The following AXDND1 variants were observed in gnomAD, a reference collection of about 807,000 sequenced individuals.
The protein encoded by AXDND1 is axonemal dynein light chain domain-containing protein 1.
A neutral mutation model predicts 137.5 loss-of-function variants in AXDND1; 110 were observed. The ratio of observed to expected loss-of-function variants is 0.80; its 90% CI spans 0.69 to 0.94. The LOEUF is 0.94. AXDND1 is among the 40% of genes least tolerant of loss of function. AXDND1 has a pLI of 0.00. For synonymous variants in AXDND1, 414 were observed against 399.7 expected (o/e 1.04, Z -0.43); for missense variants, 1,191 against 1,169.8 (o/e 1.02, Z -0.26).
chr1:179,537,001 T>G (rs1010743762), intron 25 of AXDND1, among the ~76,000 whole-genome samples: 4 of 152,234 alleles, frequency 2.6e-5, no homozygotes, highest in Non-Finnish European at 5.9e-5. Context: ...ATTCATGATT[T>G]GGCTGTTTGT....
chr1:179,473,532 C>T (rs1188840018), intron 17 of AXDND1, among the ~76,000 whole-genome samples: 1 of 152,118 alleles, frequency 6.6e-6, no homozygotes, highest in Non-Finnish European at 1.5e-5. Context: ...TTTATACTGG[C>T]TTAATTCTAG....
chr1:179,529,631 A>G (rs1670871079), intron 23 of AXDND1, among the ~76,000 whole-genome samples: 1 of 152,206 alleles, frequency 6.6e-6, no homozygotes, highest in African/African-American at 2.4e-5. Flanking sequence ...TGTTATGTAG[A>G]TGAAGTCTCC....
At chr1:179,476,424 AT>A (rs1664632082) in intron 17 of AXDND1, among the ~76,000 whole-genome samples, 1 of 152,206 alleles carries the variant, frequency 6.6e-6, no homozygotes. Flanking sequence ...GTCTTTTAAA[AT>A]TGCATAATTT....
Position 179,430,542 on chromosome 1 carries a change from G to A in AXDND1, c.1423G>A (p.Glu475Lys), listed in dbSNP as rs551888154. The A allele has an allele frequency of 6.2e-7, 1 of 1,613,968 alleles. No individual in the cohort carries two copies. The highest frequency in any genetic ancestry group is 1.7e-5 in the Admixed American group (1 of 59,952). Reference protein sequence around the residue: ...KLKQEVEQMEESTSETLKIVK... With the variant: ...KLKQEVEQMEKSTSETLKIVK... ...TAAACAAGAGGTAGAACAAATGGAA[G>A]AGTCTACAAGCGAGACACTGAAAAT... The change falls in exon 14 of 26, where the codon GAG becomes AAG. Residue 475 changes from glutamate to lysine, a missense_variant. Coordinates refer to ENST00000367618, the MANE Select transcript of AXDND1 (RefSeq NM_144696.6).
At chr1:179,437,057 G>C (rs4360482) in intron 15 of AXDND1, among the ~76,000 whole-genome samples, 5 of 141,886 alleles carry the variant, frequency 3.5e-5, no homozygotes, top group East Asian at 2.0e-4. Flanking sequence ...ATCTATAAAA[G>C]AGACACTCAC....
At position 179,486,139 on chromosome 1, in the gene AXDND1, A is replaced by AAAAAACT. The variant is rs149119239; in HGVS notation, c.2091+2920_2091+2921insAAACTAA. Among the ~76,000 whole-genome samples the AAAAAACT allele has an allele frequency of 4.5e-3, 397 of 87,654 alleles. 22 individuals carry two copies. The highest frequency in any genetic ancestry group is 8.6e-3 in the African/African-American group (232 of 26,908). The allele number at this position is 87,654 out of a possible 152,430, so 57.5% of individuals were successfully genotyped here. ...TGTCTCAAAAAAAAAAAAAAAAAAA[A>AAAAAACT]AACCTGATAGAAATGAAAAACACAC... On this transcript the variant is annotated intron_variant, in intron 18 of 25. Transcript: ENST00000367618.
rs768005250 is a variant in AXDND1 at position 179,393,970 on chromosome 1, A to T, written c.931A>T (p.Thr311Ser). 1.2e-6 allele frequency: 2 copies of T among 1,612,020 alleles called. No homozygotes were observed. The highest frequency in any genetic ancestry group is 4.5e-5 in the East Asian group (2 of 44,654). Reference sequence around the variant, plus strand: ...GATTGATTTCTACAAAGACTTGGTAACTCAGCGAGTGATGGACCAGCGCAT... The same window carrying T: ...GATTGATTTCTACAAAGACTTGGTATCTCAGCGAGTGATGGACCAGCGCAT... Reference protein sequence around the residue: ...QMIDFYKDLVTQRVMDQRILE... With the variant: ...QMIDFYKDLVSQRVMDQRILE... Residue 311 changes from threonine (T) to serine (S), a missense_variant, in exon 10 of 26, where the codon ACT becomes TCT. Thr to Ser is a moderately conservative substitution (Grantham distance 58). Transcript: ENST00000367618.
intron 17 of AXDND1, among the ~76,000 whole-genome samples, chr1:179,473,581 T>C (rs1302368650): frequency 2.0e-5 from 3 of 152,198 alleles, no homozygotes; most frequent in African/African-American, 7.2e-5. Flanking sequence ...TGATTCCTTT[T>C]CCCACCTTTT....
chr1:179,554,185 A>G (rs1217045925), intron 25 of AXDND1, among the ~76,000 whole-genome samples: 1 of 152,152 alleles, frequency 6.6e-6, no homozygotes, highest in East Asian at 1.9e-4. Flanking sequence ...GAGTACTGGG[A>G]TTACAGGTGT....
At chr1:179,533,977 T>C in intron 24 of AXDND1, 100 bp downstream of exon 24, 1 of 947,144 alleles carries the variant, frequency 1.1e-6, no homozygotes, top group Non-Finnish European at 1.7e-6. Flanking sequence ...GCTCTCCTGC[T>C]TTCTTTATCC....
rs745713963 is a variant in AXDND1 at position 179,445,158 on chromosome 1, A to G, written c.1752A>G (p.Ile584Met). ...RQYMEEIIKN[I>M]QKLYKEYEIR... is the part of the protein sequence containing the mutation. ...ACATGGAGGAAATTATCAAAAACAT[A>G]CAAAAACTCTACAAAGAATATGAAA... The change falls in exon 16 of 26, where the codon ATA becomes ATG. Residue 584 changes from isoleucine (I) to methionine (M), a missense_variant. Transcript: ENST00000367618. 1.9e-6 allele frequency: 3 copies of G among 1,610,316 alleles called. No homozygotes were observed. The highest frequency in any genetic ancestry group is 2.2e-5 in the East Asian group (1 of 44,784).
chr1:179,496,226 A>G (rs1373809471), intron 20 of AXDND1, among the ~76,000 whole-genome samples: 1 of 152,012 alleles, frequency 6.6e-6, no homozygotes, highest in Non-Finnish European at 1.5e-5. Flanking sequence ...TGGCCTTTTA[A>G]AATGAGTTAA....
At chr1:179,463,770 C>T (rs1662721029) in intron 16 of AXDND1, among the ~76,000 whole-genome samples, 8 of 152,070 alleles carry the variant, frequency 5.3e-5, no homozygotes, top group Admixed American at 5.2e-4. Flanking sequence ...CTTTGTAGGT[C>T]TCTAAGGACT....
intron 25 of AXDND1, chr1:179,545,571 C>G (rs1672567200): frequency 6.6e-6 from 1 of 152,040 alleles, no homozygotes; most frequent in African/African-American, 2.4e-5. Context: ...CCTGACGGAA[C>G]AGAGCCAGCC....
rs558335148 is a variant in AXDND1 at position 179,442,580 on chromosome 1, A to C, written c.1564-2390A>C. 5.0e-4 allele frequency among the ~76,000 whole-genome samples: 76 copies of C among 152,318 alleles called. 1 individual carries two copies. Among genetic ancestry groups the C allele is most frequent in the East Asian group, 1.2e-3 (6 of 5,174 alleles). The stretch of plus-strand genomic sequence containing the variant: ...TCAACAAAATTTTAAGCAACTGTAC[A>C]TAATGTTTTTCTTCAACAGACAAAT... On this transcript the variant is annotated intron_variant, in intron 15 of 25. Coordinates refer to ENST00000367618, the MANE Select transcript of AXDND1 (RefSeq NM_144696.6).
Position 179,445,180 on chromosome 1 carries a change from G to T in AXDND1, c.1774G>T (p.Glu592Ter). 1 of 1,592,950 alleles carries T rather than the reference G, an allele frequency of 6.3e-7. No individual in the cohort carries two copies. Among genetic ancestry groups the T allele is most frequent in the Non-Finnish European group, 8.6e-7 (1 of 1,167,146 alleles). The change falls in exon 16 of 26, where the codon GAA becomes TAA. Residue 592 changes from glutamate to a stop codon, truncating the protein, a stop_gained. Coordinates refer to ENST00000367618, the MANE Select transcript of AXDND1 (RefSeq NM_144696.6). LOFTEE classifies it high-confidence loss of function. ...CATACAAAAACTCTACAAAGAATAT[G>T]AAATAAGAATAAATGGGGACAATGG... The part of the protein sequence containing the change: ...KNIQKLYKEY[E>*]IRINGDNGYS...
intron 20 of AXDND1, among the ~76,000 whole-genome samples, chr1:179,504,891 T>C (rs935201208): frequency 6.6e-6 from 1 of 152,232 alleles, no homozygotes; most frequent in Non-Finnish European, 1.5e-5. Context: ...GCAAAGGCCT[T>C]CTTCTGCTAA....
intron 22 of AXDND1, among the ~76,000 whole-genome samples, chr1:179,527,658 C>T (rs1281588557): frequency 5.3e-5 from 8 of 152,102 alleles, no homozygotes; most frequent in Non-Finnish European, 1.2e-4. Flanking sequence ...ATGTTAAGGG[C>T]ATTTCTCCTC....
At chr1:179,384,908 C>T (rs750671931) in intron 8 of AXDND1, among the ~76,000 whole-genome samples, 10 of 151,904 alleles carry the variant, frequency 6.6e-5, no homozygotes, top group African/African-American at 1.2e-4. Flanking sequence ...GGACTACAGG[C>T]GTGTGCCACC....
Sources: gnomAD v4.1 joint callset for allele counts (sites outside exome capture counted in the v4.1 genomes callset) on GRCh38, gnomAD v4.1.1 for gene constraint, MANE v1.5 for transcripts, NCBI Gene and HGNC (gene_info 2026-07-23, HGNC 2026-07-21) for gene names.